BMPR2: variants seen among roughly 807,000 people sequenced by gnomAD.
BMPR2 encodes the protein bone morphogenetic protein receptor type-2.
A neutral mutation model predicts 100.8 loss-of-function variants in BMPR2; 29 were observed. That is an observed-to-expected ratio of 0.29 (90% CI 0.21 to 0.39). The LOEUF is 0.39. BMPR2 is among the 10% of genes least tolerant of loss of function. The probability of loss-of-function intolerance (pLI) is 1.00; values close to 1 mark genes in which losing one functional copy is unlikely to be tolerated. For missense variants in BMPR2, 1,011 were observed against 1,274.5 expected, an observed-to-expected ratio of 0.79 and a Z score of 3.15; for synonymous variants, 382 against 442.3, an observed-to-expected ratio of 0.86 and a Z score of 1.71.
At chr2:202,458,379 A>G (rs1326121869) in intron 1 of BMPR2, among the ~76,000 whole-genome samples, 1 of 145,082 alleles carries the variant, frequency 6.9e-6, no homozygotes, top group Admixed American at 7.0e-5. Flanking sequence ...CTTAGGTGGG[A>G]GGATCCCTTG....
At chr2:202,535,226 G>C (rs1296942212) in intron 9 of BMPR2, among the ~76,000 whole-genome samples, 3 of 151,870 alleles carry the variant, frequency 2.0e-5, no homozygotes, top group African/African-American at 7.2e-5. Context: ...CTGCCGGGCG[G>C]AGACACTCCT....
At chr2:202,515,404 T>C (rs572184311) in intron 5 of BMPR2, among the ~76,000 whole-genome samples, 1 of 151,634 alleles carries the variant, frequency 6.6e-6, no homozygotes, top group Non-Finnish European at 1.5e-5. Context: ...AAACCCTGTC[T>C]CTGCTAAAAA....
rs1687458921 is a variant in BMPR2, at chr2:202,503,788, C to T, written c.419-9931C>T. Among the ~76,000 whole-genome samples, 1 of 152,252 alleles carries T rather than the reference C, an allele frequency of 6.6e-6. No homozygotes were observed. The highest frequency in any genetic ancestry group is 2.1e-4 in the South Asian group (1 of 4,836). On this transcript the variant is annotated intron_variant, in intron 3 of 12. Transcript: ENST00000374580. This position sits in a 1 kb window ranked among gnomAD's most constrained non-coding sequence, Gnocchi z 4.0. Reference sequence around the variant, plus strand: ...GTGTGGGACTGGCAGGCAGCTCCACCTGCAGCCCAGGTGTGGGATCCACTG... The same window carrying T: ...GTGTGGGACTGGCAGGCAGCTCCACTTGCAGCCCAGGTGTGGGATCCACTG...
At chr2:202,552,921 C>A in intron 11 of BMPR2, 33 bp downstream of exon 11, 1 of 1,612,738 alleles carries the variant, frequency 6.2e-7, no homozygotes, top group South Asian at 1.1e-5. Flanking sequence ...ATCTATCAAT[C>A]AGTATTAGAA....
chr2:202,525,215 G>GT (rs1465873237), intron 7 of BMPR2, among the ~76,000 whole-genome samples: 1 of 151,698 alleles, frequency 6.6e-6, no homozygotes, highest in Non-Finnish European at 1.5e-5. Context: ...TGTTGTTGTT[G>GT]TTTTTTGTTT....
At chr2:202,448,099 G>A (rs1262615944) in intron 1 of BMPR2, among the ~76,000 whole-genome samples, 4 of 149,928 alleles carry the variant, frequency 2.7e-5, no homozygotes, top group Admixed American at 2.6e-4. Flanking sequence ...TCCTGGTTTA[G>A]AATACTGCCG....
chr2:202,497,288 G>T (rs936076384), intron 3 of BMPR2, among the ~76,000 whole-genome samples: 3 of 152,208 alleles, frequency 2.0e-5, no homozygotes, highest in Non-Finnish European at 4.4e-5. Flanking sequence ...TGAGACAATC[G>T]CTGAGCGGTG....
chr2:202,559,604 G>A, intron 12 of BMPR2, 92 bp from the exon 13 acceptor site: 1 of 1,354,030 alleles, frequency 7.4e-7, no homozygotes, highest in South Asian at 1.2e-5. Context: ...ACCCTCCTGA[G>A]ACATTGGTTT....
At position 202,565,160 on chromosome 2, in the gene BMPR2, C is replaced by T. The variant is rs1000309085; in HGVS notation, c.*5214C>T. ...GTTTTCTTCATATCTATTCTGTCTC[C>T]CTCCTCTTTGATTTTAAATTTTTTT... On this transcript the variant is annotated 3_prime_UTR_variant, in exon 13 of 13. Coordinates refer to ENST00000374580, the MANE Select transcript of BMPR2 (RefSeq NM_001204.7). 1.3e-5 allele frequency: 2 copies of T among 152,008 alleles called. No homozygotes were observed. The highest frequency in any genetic ancestry group is 4.8e-5 in the African/African-American group (2 of 41,392). The allele number at this position is 152,008 out of a possible 1,614,324, so 9.4% of individuals were successfully genotyped here. A position where few individuals can be genotyped will look rare whatever the true frequency, so the allele number is the denominator to read the frequency against.
At chr2:202,521,142 T>C (rs1687812226) in intron 7 of BMPR2, among the ~76,000 whole-genome samples, 1 of 152,232 alleles carries the variant, frequency 6.6e-6, no homozygotes, top group Admixed American at 6.5e-5. Flanking sequence ...TGAATCTTAG[T>C]CACTGTCTTT....
At chr2:202,450,622 C>T (rs1370558153) in intron 1 of BMPR2, among the ~76,000 whole-genome samples, 5 of 138,758 alleles carry the variant, frequency 3.6e-5, no homozygotes, top group Admixed American at 1.6e-4. Context: ...ACCTGGGAGG[C>T]GGAGGTTGCA....
intron 1 of BMPR2, among the ~76,000 whole-genome samples, chr2:202,396,264 G>T (rs1186223308): frequency 1.3e-5 from 2 of 152,234 alleles, no homozygotes; most frequent in Non-Finnish European, 2.9e-5. Flanking sequence ...GGGTGGTGAT[G>T]AAGGCTGAGT....
At chr2:202,436,093 T>C (rs1328792224) in intron 1 of BMPR2, among the ~76,000 whole-genome samples, 2 of 150,938 alleles carry the variant, frequency 1.3e-5, no homozygotes, top group Non-Finnish European at 2.9e-5. Context: ...CTTTCTATAC[T>C]AAGTTAACTA....
chr2:202,447,458 G>C (rs1158586566), intron 1 of BMPR2, among the ~76,000 whole-genome samples: 1 of 150,754 alleles, frequency 6.6e-6, no homozygotes. Flanking sequence ...GTGGGAGCCT[G>C]AGGTGGGAGG....
chr2:202,437,880 G>A lies in BMPR2; in HGVS notation c.77-26929G>A, dbSNP rs1274157508. Among the ~76,000 whole-genome samples, 3 of 150,200 alleles carry A rather than the reference G, an allele frequency of 2.0e-5. 1 individual carries two copies. Among genetic ancestry groups the A allele is most frequent in the African/African-American group, 5.0e-5 (2 of 39,842 alleles). On this transcript the variant is annotated intron_variant, in intron 1 of 12. Coordinates refer to ENST00000374580, the MANE Select transcript of BMPR2 (RefSeq NM_001204.7). ...TCCTTTCATCAATTGATGGACATGCGGTTGTTTCCACTTTTTAGTTATTGT... is the reference window on the plus strand; with the variant it reads ...TCCTTTCATCAATTGATGGACATGCAGTTGTTTCCACTTTTTAGTTATTGT...
chr2:202,446,394 G>A lies in BMPR2; in HGVS notation c.77-18415G>A, dbSNP rs776828023. ...GCTGGGGCAACAAGAGCGAAACTCC[G>A]TCTCAAAAAAAAAAGAAAGAAAATT... is the stretch of plus-strand genomic sequence containing the variant. On this transcript the variant is annotated intron_variant, in intron 1 of 12. Coordinates refer to ENST00000374580, the MANE Select transcript of BMPR2 (RefSeq NM_001204.7). 2.2e-4 allele frequency among the ~76,000 whole-genome samples: 33 copies of A among 148,604 alleles called. 1 individual carries two copies. The highest frequency in any genetic ancestry group is 3.4e-4 in the Non-Finnish European group (23 of 67,804).
intron 3 of BMPR2, among the ~76,000 whole-genome samples, chr2:202,480,428 C>G (rs1253182716): frequency 6.6e-6 from 1 of 152,154 alleles, no homozygotes; most frequent in East Asian, 1.9e-4. Flanking sequence ...CACGCCCAAC[C>G]TGAAACCATT....
intron 3 of BMPR2, among the ~76,000 whole-genome samples, chr2:202,512,845 A>G (rs1687649071): frequency 1.3e-5 from 2 of 152,106 alleles, no homozygotes; most frequent in African/African-American, 4.8e-5. Flanking sequence ...TTCAAGTCCT[A>G]TTCAGATTTA....
chr2:202,430,841 C>G (rs766679954), intron 1 of BMPR2, among the ~76,000 whole-genome samples: 1 of 149,828 alleles, frequency 6.7e-6, no homozygotes, highest in African/African-American at 2.5e-5. Flanking sequence ...TGCCTGTAAT[C>G]CCAGCTACTC....
Sources: allele counts gnomAD v4.1 joint callset (sites outside exome capture counted in the v4.1 genomes callset), GRCh38; gene constraint gnomAD v4.1.1; non-coding constraint Gnocchi (gnomAD v3.1); transcripts MANE v1.5; gene names NCBI Gene and HGNC (gene_info 2026-07-23, HGNC 2026-07-21).